The following ZNF524 variants were observed in gnomAD, a reference collection of about 807,000 sequenced individuals.
The protein encoded by ZNF524 is zinc finger protein 524.
For missense variants in ZNF524, 388 were observed against 380.1 expected, an observed-to-expected ratio of 1.02 and a Z score of -0.17; for synonymous variants, 194 against 166.3, an observed-to-expected ratio of 1.17 and a Z score of -1.28.
upstream of ZNF524, chr19:55,600,026 G>T (rs1438895394): frequency 6.6e-6 from 1 of 152,258 alleles, no homozygotes; most frequent in Non-Finnish European, 1.5e-5. Context: ...TCATCATTCG[G>T]TATCTGTCTT....
In ZNF524 at chr19:55,602,527, C is replaced by A; in HGVS notation, c.415C>A (p.Leu139Met). 4 of 1,594,804 alleles carry A rather than the reference C, an allele frequency of 2.5e-6. No individual in the cohort carries two copies. The highest frequency in any genetic ancestry group is 3.4e-6 in the Non-Finnish European group (4 of 1,176,666). ...LERHSISHSE[L>M]KPHQCKVCGK... The stretch of plus-strand genomic sequence containing the variant: ...GCGCCACAGCATCTCGCACTCAGAG[C>A]TGAAGCCGCACCAGTGCAAGGTTTG... The change falls in exon 2 of 2, where the codon CTG becomes ATG. Residue 139 changes from leucine to methionine, a missense_variant. Coordinates refer to ENST00000301073, the MANE Select transcript of ZNF524 (RefSeq NM_153219.4).
chr19:55,602,724 G>A lies in ZNF524; in HGVS notation c.612G>A (p.Arg204=). ...GERPYQCPIC[R]LRFTEANTLR... ...GCCCGTACCAGTGCCCCATCTGCCGGCTGCGCTTTACAGAGGCCAACACGC... is the reference window on the plus strand; with the variant it reads ...GCCCGTACCAGTGCCCCATCTGCCGACTGCGCTTTACAGAGGCCAACACGC... Residue 204 remains arginine (R), a synonymous_variant, in exon 2 of 2, where the codon CGG becomes CGA. Transcript: ENST00000301073. 1.2e-6 allele frequency: 2 copies of A among 1,605,600 alleles called. No homozygotes were observed. Among genetic ancestry groups the A allele is most frequent in the Non-Finnish European group, 1.7e-6 (2 of 1,179,748 alleles).
chr19:55,602,550 T>C lies in ZNF524; in HGVS notation c.438T>C (p.Val146=). The change falls in exon 2 of 2, where the codon GTT becomes GTC. Residue 146 remains valine (V), a synonymous_variant. Transcript: ENST00000301073. ...AGCTGAAGCCGCACCAGTGCAAGGTTTGCGGCAAGACCTTCAAGCGCTCCA... is the reference window on the plus strand; with the variant it reads ...AGCTGAAGCCGCACCAGTGCAAGGTCTGCGGCAAGACCTTCAAGCGCTCCA... The part of the protein sequence containing the change: ...HSELKPHQCK[V]CGKTFKRSSH... 1 of 1,591,756 alleles carries C rather than the reference T, an allele frequency of 6.3e-7. No individual in the cohort carries two copies.
Position 55,602,592 on chromosome 19 carries a change from C to T in ZNF524, c.480C>T (p.His160=). The change falls in exon 2 of 2, where the codon CAC becomes CAT. Residue 160 remains histidine (H), a synonymous_variant. Coordinates refer to ENST00000301073, the MANE Select transcript of ZNF524 (RefSeq NM_153219.4). ...TFKRSSHLRR[H]CNIHAGLRPF... is the part of the protein sequence containing the mutation. ...AGCGCTCCAGCCACCTGCGGCGGCA[C>T]TGCAACATCCATGCCGGCCTGCGGC... 6.3e-7 allele frequency: 1 copy of T among 1,584,782 alleles called. No homozygotes were observed. Among genetic ancestry groups the T allele is most frequent in the Non-Finnish European group, 8.5e-7 (1 of 1,171,806 alleles).
chr19:55,600,438 AGGG>A (rs372606986), intron 1 of ZNF524, 30 bp downstream of exon 1: 1 of 144,234 alleles, frequency 6.9e-6, no homozygotes, highest in East Asian at 2.2e-4. Context: ...CGCAGGCGGG[AGGG>A]GGGGTGTGGG....
intron 1 of ZNF524, 194 bp downstream of exon 1, chr19:55,600,602 G>C (rs929403382): frequency 2.0e-5 from 3 of 151,614 alleles, no homozygotes; most frequent in African/African-American, 7.3e-5. Flanking sequence ...GCCGCTCATT[G>C]GCCGTCGCCC....
At chr19:55,601,915 CT>C in intron 1 of ZNF524, 159 bp from the exon 2 acceptor site, 1 of 454,238 alleles carries the variant, frequency 2.2e-6, no homozygotes, top group Non-Finnish European at 3.8e-6. Context: ...ACAAGATCAT[CT>C]CACTGTTTTA....
intron 1 of ZNF524, chr19:55,601,803 G>C: frequency 3.8e-6 from 1 of 260,948 alleles, no homozygotes; most frequent in Admixed American, 5.2e-5. Context: ...GTGGGGAGGG[G>C]TGTTGCTCAT....
rs200123881 is a variant in ZNF524, at chr19:55,602,875, G to A, written c.763G>A (p.Glu255Lys). 8,604 of 1,591,358 alleles carry A rather than the reference G, an allele frequency of 5.4e-3. 27 individuals are homozygous for A. Among genetic ancestry groups the A allele is most frequent in the Non-Finnish European group, 6.6e-3 (7,765 of 1,169,938 alleles). ...IPATAGAEEE[E>K]ETEGKGEPA ...GGCCACAGCAGGGGCCGAGGAGGAG[G>A]AGGAGACAGAGGGGAAAGGGGAGCC... is the stretch of plus-strand genomic sequence containing the variant. Residue 255 changes from glutamate (E) to lysine (K), a missense_variant, in exon 2 of 2, where the codon GAG becomes AAG. By Grantham distance (56) the Glu-to-Lys change is moderately conservative (BLOSUM62 1). Transcript: ENST00000301073.
chr19:55,602,706 C>T lies in ZNF524; in HGVS notation c.594C>T (p.Tyr198=), dbSNP rs201011426. Residue 198 remains tyrosine, a synonymous_variant, in exon 2 of 2, where the codon TAC becomes TAT. Coordinates refer to ENST00000301073, the MANE Select transcript of ZNF524 (RefSeq NM_153219.4). The part of the protein sequence containing the change: ...HHRVHSGERP[Y]QCPICRLRFT... ...GCGTGCACTCGGGGGAGCGCCCGTA[C>T]CAGTGCCCCATCTGCCGGCTGCGCT... The T allele has an allele frequency of 1.5e-5, 24 of 1,603,344 alleles. No individual in the cohort carries two copies. In the African/African-American group the frequency reaches 2.9e-4, roughly 20 times the overall value.
chr19:55,602,899 C>G lies in ZNF524; in HGVS notation c.787C>G (p.Pro263Ala). 6.4e-7 allele frequency: 1 copy of G among 1,565,274 alleles called. No homozygotes were observed. Among genetic ancestry groups the G allele is most frequent in the Non-Finnish European group, 8.7e-7 (1 of 1,154,470 alleles). Residue 263 changes from proline to alanine, a missense_variant, in exon 2 of 2, where the codon CCG becomes GCG. By Grantham distance (27) the Pro-to-Ala change is conservative (BLOSUM62 -1). Coordinates refer to ENST00000301073, the MANE Select transcript of ZNF524 (RefSeq NM_153219.4). ...EEEETEGKGE[P>A]A is the part of the protein sequence containing the mutation. ...GGAGGAGACAGAGGGGAAAGGGGAG[C>G]CGGCCTGACCCACACCCCCGGCCAT...
At position 55,602,794 on chromosome 19, in the gene ZNF524, C is replaced by T; in HGVS notation, c.682C>T (p.Pro228Ser). The change falls in exon 2 of 2, where the codon CCC (proline) becomes TCC (serine). Residue 228 changes from proline to serine, a missense_variant. Physicochemically the swap from Pro to Ser is moderately conservative, Grantham distance 74 (BLOSUM62 -1). Coordinates refer to ENST00000301073, the MANE Select transcript of ZNF524 (RefSeq NM_153219.4). The stretch of plus-strand genomic sequence containing the variant: ...CAAGCACCCGGAGGCCATGGGGGTA[C>T]CCCTGTGTGCACCAGATCCAGGGTC... ...KRKHPEAMGV[P>S]LCAPDPGSEP... 6.2e-7 allele frequency: 1 copy of T among 1,611,210 alleles called. No homozygotes were observed.
rs1411936179 is a variant in ZNF524, at chr19:55,602,016, G to A, written c.-38-59G>A. 3.4e-6 allele frequency: 4 copies of A among 1,161,470 alleles called. No homozygotes were observed. In the African/African-American group the frequency reaches 4.7e-5, roughly 14 times the overall value. The allele number at this position is 1,161,470 out of a possible 1,614,324, so 71.9% of individuals were successfully genotyped here. ...GGAGAGAGGGATGGGCGAGGTGTTG[G>A]GGGACACAGGGGTGCTCTAGACCCT... On this transcript the variant is annotated intron_variant, in intron 1 of 1. Coordinates refer to ENST00000301073, the MANE Select transcript of ZNF524 (RefSeq NM_153219.4).
intron 1 of ZNF524, chr19:55,601,813 TG>T: frequency 3.6e-6 from 1 of 275,454 alleles, no homozygotes; most frequent in Non-Finnish European, 6.7e-6. Context: ...GTGTTGCTCA[TG>T]TTGATCTTGA....
chr19:55,603,062 C>T lies in ZNF524; in HGVS notation c.*155C>T. On this transcript the variant is annotated 3_prime_UTR_variant, in exon 2 of 2. Coordinates refer to ENST00000301073, the MANE Select transcript of ZNF524 (RefSeq NM_153219.4). The stretch of plus-strand genomic sequence containing the variant: ...TGGAGACCTAAACTTTGGGGTCCAG[C>T]TGCCTTCAGCCCCCCTCCCCCAGAC... 2.3e-6 allele frequency: 2 copies of T among 853,846 alleles called. No homozygotes were observed. Among genetic ancestry groups the T allele is most frequent in the East Asian group, 5.5e-5 (2 of 36,680 alleles). 52.9% of individuals were successfully genotyped at this position (853,846 alleles called of 1,614,324 possible).
rs595577 is a variant in ZNF524 at position 55,600,450 on chromosome 19, G to A, written c.-39+42G>A. The A allele has an allele frequency of 0.7, 102,444 of 147,142 alleles. 36,244 individuals are homozygous for A. The highest frequency in any genetic ancestry group is 0.84 in the East Asian group (3,978 of 4,756). 9.1% of individuals were successfully genotyped at this position (147,142 alleles called of 1,614,324 possible). Reference sequence around the variant, plus strand: ...GGGCGCAGGCGGGAGGGGGGGTGTGGGGGTAGGGGAGGCCGGGCCGCGCGC... The same window carrying A: ...GGGCGCAGGCGGGAGGGGGGGTGTGAGGGTAGGGGAGGCCGGGCCGCGCGC... On this transcript the variant is annotated intron_variant, in intron 1 of 1. Coordinates refer to ENST00000301073, the MANE Select transcript of ZNF524 (RefSeq NM_153219.4).
upstream of ZNF524, chr19:55,599,694 G>C (rs1184778746): frequency 6.6e-6 from 1 of 152,448 alleles, no homozygotes; most frequent in Admixed American, 6.5e-5. Context: ...GGTGAGGGCA[G>C]CGGGAAGGGG....
Position 55,602,070 on chromosome 19 carries a change from C to G in ZNF524, c.-38-5C>G. 2.0e-6 allele frequency: 3 copies of G among 1,507,716 alleles called. No individual in the cohort carries two copies. Among genetic ancestry groups the G allele is most frequent in the Non-Finnish European group, 2.7e-6 (3 of 1,126,736 alleles). 93.4% of individuals were successfully genotyped at this position (1,507,716 alleles called of 1,614,324 possible). ...AGCACTGACTCTGCCCCTCTCTCCT[C>G]TTAGCTGGCTCCAGTGCCCAGACCC... On this transcript the variant is annotated splice_polypyrimidine_tract_variant and splice_region_variant and intron_variant, in intron 1 of 1. Transcript: ENST00000301073.
rs750978181 is a variant in ZNF524 at position 55,602,874 on chromosome 19, G to A, written c.762G>A (p.Glu254=). Reference sequence around the variant, plus strand: ...CGGCCACAGCAGGGGCCGAGGAGGAGGAGGAGACAGAGGGGAAAGGGGAGC... The same window carrying A: ...CGGCCACAGCAGGGGCCGAGGAGGAAGAGGAGACAGAGGGGAAAGGGGAGC... ...GIPATAGAEE[E]EETEGKGEPA The change falls in exon 2 of 2, where the codon GAG becomes GAA. Residue 254 remains glutamate (E), a synonymous_variant. Coordinates refer to ENST00000301073, the MANE Select transcript of ZNF524 (RefSeq NM_153219.4). 17 of 1,593,016 alleles carry A rather than the reference G, an allele frequency of 1.1e-5. No homozygotes were observed. The highest frequency in any genetic ancestry group is 5.4e-5 in the Admixed American group (3 of 55,554).
Sources: allele counts gnomAD v4.1 joint callset, GRCh38; gene constraint gnomAD v4.1.1; transcripts MANE v1.5; gene names NCBI Gene and HGNC (gene_info 2026-07-23, HGNC 2026-07-21).